FAM47E: variants seen among roughly 807,000 people sequenced by gnomAD.
The protein encoded by FAM47E is protein FAM47E.
In FAM47E, 32 loss-of-function variants were observed where a neutral mutation model predicts 41.6. That is an observed-to-expected ratio of 0.77 (90% CI 0.58 to 1.03). The LOEUF is 1.03. Among genes scored for constraint, FAM47E ranks in the 50% least tolerant of loss-of-function variants. The probability of loss-of-function intolerance (pLI) is 0.00; values close to 1 mark genes in which losing one functional copy is unlikely to be tolerated. For synonymous variants in FAM47E, 184 were observed against 188.7 expected (o/e 0.98, Z 0.20); for missense variants, 424 against 485.4 (o/e 0.87, Z 1.19).
At chr4:76,219,660 T>A (rs961082808) in intron 2 of FAM47E, among the ~76,000 whole-genome samples, 2 of 151,826 alleles carry the variant, frequency 1.3e-5, no homozygotes, top group African/African-American at 4.8e-5. Context: ...TGTCTGAGGG[T>A]AGAGGCAGAC....
chr4:76,219,114 T>G (rs1003369233), intron 2 of FAM47E, among the ~76,000 whole-genome samples: 3 of 152,174 alleles, frequency 2.0e-5, no homozygotes, highest in African/African-American at 7.2e-5. Flanking sequence ...TCTGGCCTCA[T>G]GCTTATTAAG....
chr4:76,255,868 A>T (rs1213132073), intron 1 of FAM47E, among the ~76,000 whole-genome samples: 1 of 152,212 alleles, frequency 6.6e-6, no homozygotes. Context: ...AAGGATGTGT[A>T]CAAACAAAGG....
intron 2 of FAM47E, among the ~76,000 whole-genome samples, chr4:76,233,301 C>T (rs140114804): frequency 2.7e-4 from 41 of 152,262 alleles, no homozygotes; most frequent in African/African-American, 9.4e-4. Context: ...GCTGTGAAGC[C>T]AGCAAGTCAT....
intron 1 of FAM47E, among the ~76,000 whole-genome samples, chr4:76,216,784 C>A (rs562680517): frequency 6.6e-6 from 1 of 152,312 alleles, no homozygotes; most frequent in African/African-American, 2.4e-5. Flanking sequence ...CTTAACACAG[C>A]TGACCAGGCT....
chr4:76,276,755 G>A (rs539212047), intron 5 of FAM47E, among the ~76,000 whole-genome samples: 2 of 152,190 alleles, frequency 1.3e-5, no homozygotes, highest in Non-Finnish European at 2.9e-5. Flanking sequence ...TTACAGTAGA[G>A]GGAACAGTGT....
At chr4:76,277,462 C>T (rs1325161479) in intron 5 of FAM47E, among the ~76,000 whole-genome samples, 2 of 151,588 alleles carry the variant, frequency 1.3e-5, no homozygotes, top group Non-Finnish European at 2.9e-5. Flanking sequence ...TGCACCCCAG[C>T]CTGGGCGACA....
chr4:76,214,488 G>T (rs890597778), intron 1 of FAM47E: 1 of 362,492 alleles, frequency 2.8e-6, no homozygotes, highest in Admixed American at 3.5e-5. Flanking sequence ...AGTTCCTTTT[G>T]ACTGTAGGCT....
At chr4:76,268,625 C>T (rs897874612) in intron 3 of FAM47E, 35 bp from the exon 4 acceptor site, 3 of 1,541,634 alleles carry the variant, frequency 1.9e-6, no homozygotes, top group Middle Eastern at 1.7e-4. Flanking sequence ...TTCATTGTGT[C>T]TCATATTGTA....
intron 2 of FAM47E, among the ~76,000 whole-genome samples, chr4:76,243,565 G>A (rs768881099): frequency 2.6e-4 from 39 of 152,200 alleles, no homozygotes; most frequent in Non-Finnish European, 4.9e-4. Flanking sequence ...TTCTACTTCA[G>A]GTGCAGAGCA....
chr4:76,244,634 G>A (rs1297202443), intron 2 of FAM47E, among the ~76,000 whole-genome samples: 2 of 136,332 alleles, frequency 1.5e-5, no homozygotes, highest in African/African-American at 2.7e-5. Context: ...TCCACCCTCC[G>A]AGTTCAAGTG....
rs370818484 is a variant in FAM47E, at chr4:76,255,716, C to T, written c.75-462C>T. 2.7e-3 allele frequency among the ~76,000 whole-genome samples: 417 copies of T among 152,076 alleles called. 2 individuals are homozygous for T. The highest frequency in any genetic ancestry group is 9.1e-3 in the African/African-American group (376 of 41,424). ...CGAATGGAGAGATGAAATGTGGTGG[C>T]GGCAGTTGGAATAATGAATTAGATT... On this transcript the variant is annotated intron_variant, in intron 1 of 7. Coordinates refer to ENST00000424749, the MANE Select transcript of FAM47E (RefSeq NM_001136570.3).
intron 5 of FAM47E, among the ~76,000 whole-genome samples, chr4:76,272,328 A>G (rs2110020873): frequency 6.6e-6 from 1 of 152,362 alleles, no homozygotes; most frequent in African/African-American, 2.4e-5. Flanking sequence ...TTACTTTTCT[A>G]CAGTGTGTCA....
chr4:76,214,202 A>G lies in FAM47E; in HGVS notation c.-252A>G, dbSNP rs914361664. ...TTCCCCTGCTCTAGAGGCGCTCGCA[A>G]GTTAGCGGGGACACCGTTACCGCAA... On this transcript the variant is annotated 5_prime_UTR_variant, in exon 1 of 8. Coordinates refer to the FAM47E transcript ENST00000510197. 7.5e-5 allele frequency: 34 copies of G among 454,104 alleles called. 1 individual carries two copies. The highest frequency in any genetic ancestry group is 4.0e-4 in the Admixed American group (17 of 42,542). The allele number at this position is 454,104 out of a possible 1,614,324, so 28.1% of individuals were successfully genotyped here.
At chr4:76,276,433 C>T (rs1735118120) in intron 5 of FAM47E, among the ~76,000 whole-genome samples, 1 of 150,804 alleles carries the variant, frequency 6.6e-6, no homozygotes, top group Non-Finnish European at 1.5e-5. Flanking sequence ...AGTGCAGTGG[C>T]GTGATCCCAG....
intron 2 of FAM47E, among the ~76,000 whole-genome samples, chr4:76,233,588 A>ACACACACACACG (rs1733529765): frequency 1.7e-3 from 1 of 590 alleles, no homozygotes; most frequent in Admixed American, 0.056. Context: ...ACACACACGC[A>ACACACACACACG]CACACACACA....
At chr4:76,257,627 A>C (rs1160179527) in intron 2 of FAM47E, among the ~76,000 whole-genome samples, 1 of 152,152 alleles carries the variant, frequency 6.6e-6, no homozygotes, top group Non-Finnish European at 1.5e-5. Flanking sequence ...CATTATGAGC[A>C]TGTCCAATTC....
chr4:76,278,299 C>T, intron 6 of FAM47E, 75 bp downstream of exon 6: 1 of 1,392,186 alleles, frequency 7.2e-7, no homozygotes, highest in Non-Finnish European at 9.3e-7. Context: ...CCTACTGAAC[C>T]AGACTCTGCG....
rs115098718 is a variant in FAM47E, at chr4:76,240,287, T to C, written c.81+22599T>C. Among the ~76,000 whole-genome samples, 610 of 152,338 alleles carry C rather than the reference T, an allele frequency of 4.0e-3. 6 individuals are homozygous for C. Among genetic ancestry groups the C allele is most frequent in the African/African-American group, 0.014 (580 of 41,588 alleles). The stretch of plus-strand genomic sequence containing the variant: ...GCAGATAATCTTATTGAGGATTCCT[T>C]ATATGTGATGATCACTTCTCTCTTG... On this transcript the variant is annotated intron_variant, in intron 2 of 7. Coordinates refer to the FAM47E transcript ENST00000510197.
At chr4:76,232,163 C>T (rs1733504162) in intron 2 of FAM47E, among the ~76,000 whole-genome samples, 1 of 152,116 alleles carries the variant, frequency 6.6e-6, no homozygotes, top group East Asian at 1.9e-4. Flanking sequence ...ATAAATAGTT[C>T]AAAATAAGTT....
Sources: gnomAD v4.1 joint callset for allele counts (sites outside exome capture counted in the v4.1 genomes callset) on GRCh38, gnomAD v4.1.1 for gene constraint, MANE v1.5 for transcripts, NCBI Gene and HGNC (gene_info 2026-07-23, HGNC 2026-07-21) for gene names.